The following TSNARE1 variants were observed in gnomAD, a reference collection of about 807,000 sequenced individuals.
TSNARE1 encodes the protein t-SNARE domain-containing protein 1.
A neutral mutation model predicts 62.0 loss-of-function variants in TSNARE1; 49 were observed. The ratio of observed to expected loss-of-function variants is 0.79; its 90% CI spans 0.63 to 1.00. The LOEUF (loss-of-function observed/expected upper bound fraction) is 1.00, where lower values mean the gene tolerates loss of function less well. Ranked by LOEUF, TSNARE1 falls within the 50% of genes least tolerant of loss-of-function variation. The probability of loss-of-function intolerance (pLI) is 0.00; values close to 1 mark genes in which losing one functional copy is unlikely to be tolerated. For missense variants in TSNARE1, 755 were observed against 700.1 expected, an observed-to-expected ratio of 1.08 and a Z score of -0.88; for synonymous variants, 328 against 294.4, an observed-to-expected ratio of 1.11 and a Z score of -1.17.
chr8:142,310,401 G>T (rs141367187), intron 9 of TSNARE1, among the ~76,000 whole-genome samples: 1 of 151,250 alleles, frequency 6.6e-6, no homozygotes, highest in African/African-American at 2.5e-5. Context: ...CATCATCACC[G>T]TTCCACCGTC....
intron 12 of TSNARE1, among the ~76,000 whole-genome samples, chr8:142,269,191 C>G (rs893874773): frequency 6.6e-6 from 1 of 152,168 alleles, no homozygotes; most frequent in Non-Finnish European, 1.5e-5. Flanking sequence ...TAGTGTGTAA[C>G]TAGGATCAGG....
intron 2 of TSNARE1, among the ~76,000 whole-genome samples, chr8:142,353,143 C>A (rs1375627682): frequency 6.6e-6 from 1 of 152,064 alleles, no homozygotes; most frequent in Non-Finnish European, 1.5e-5. Flanking sequence ...CCACTAAGCA[C>A]CCCCTCCCCG....
In TSNARE1 at chr8:142,243,338, C is replaced by T. The variant is rs116343791; in HGVS notation, c.1447-13759G>A. 2.4e-3 allele frequency among the ~76,000 whole-genome samples: 370 copies of T among 152,238 alleles called. 2 individuals carry two copies. The highest frequency in any genetic ancestry group is 8.5e-3 in the African/African-American group (352 of 41,542). On this transcript the variant is annotated intron_variant, in intron 12 of 13. Transcript: ENST00000524325. ...GCTGCCCTATTCACAATAGCCAGGA[C>T]GTGGAATCGGCCTAAGTGTCCCCCC...
chr8:142,238,770 C>T (rs1167172713), intron 12 of TSNARE1, among the ~76,000 whole-genome samples: 2 of 149,816 alleles, frequency 1.3e-5, no homozygotes, highest in South Asian at 2.1e-4. Context: ...CCTGCACGCC[C>T]GCCCCTGCAC....
chr8:142,219,333 G>A, intron 13 of TSNARE1, among the ~76,000 whole-genome samples: 1 of 152,328 alleles, frequency 6.6e-6, no homozygotes, highest in Non-Finnish European at 1.5e-5. Flanking sequence ...GGAGGGAGGG[G>A]AGGAGGAAGG....
intron 7 of TSNARE1, among the ~76,000 whole-genome samples, chr8:142,316,862 A>G (rs1828596475): frequency 6.6e-6 from 1 of 151,882 alleles, no homozygotes; most frequent in Non-Finnish European, 1.5e-5. Context: ...TGGCCACGTC[A>G]CATGTATTTT....
chr8:142,226,635 C>G lies in TSNARE1; in HGVS notation c.*11+2838G>C, dbSNP rs962575518. On this transcript the variant is annotated intron_variant, in intron 13 of 13. Coordinates refer to ENST00000524325, the MANE Select transcript of TSNARE1 (RefSeq NM_145003.5). ...CTCCTCTGGCTAAAGAGCACTGGCT[C>G]TGGAGTCCTGGGGGGCTGGAGGAAT... 3.3e-5 allele frequency among the ~76,000 whole-genome samples: 5 copies of G among 152,278 alleles called. No individual in the cohort carries two copies. In the East Asian group the frequency reaches 9.7e-4, roughly 29 times the overall value.
intron 13 of TSNARE1, among the ~76,000 whole-genome samples, chr8:142,217,280 TAAAA>T (rs1477538962): frequency 7.2e-5 from 5 of 69,390 alleles, no homozygotes; most frequent in African/African-American, 2.4e-4. Flanking sequence ...AATAATAAAA[TAAAA>T]AGAAGAAAGA....
intron 12 of TSNARE1, among the ~76,000 whole-genome samples, chr8:142,260,165 C>T (rs1818785372): frequency 6.6e-6 from 1 of 152,116 alleles, no homozygotes; most frequent in South Asian, 2.1e-4. Flanking sequence ...GAGCCTGCCA[C>T]CTGGAAGCCA....
chr8:142,302,548 C>T lies in TSNARE1; in HGVS notation c.1132-1904G>A, dbSNP rs529268205. Among the ~76,000 whole-genome samples, 3 of 152,280 alleles carry T rather than the reference C, an allele frequency of 2.0e-5. No individual in the cohort carries two copies. In the South Asian group the frequency reaches 6.2e-4, roughly 32 times the overall value. On this transcript the variant is annotated intron_variant, in intron 9 of 13. Transcript: ENST00000524325. Reference sequence around the variant, plus strand: ...AGGGACTCAGCCACAGGCCCCCTCCCTTGCTGTCCCCACCCCCGTCTCCCC... The same window carrying T: ...AGGGACTCAGCCACAGGCCCCCTCCTTTGCTGTCCCCACCCCCGTCTCCCC...
At chr8:142,233,924 G>A (rs530764688) in intron 12 of TSNARE1, among the ~76,000 whole-genome samples, 45 of 152,226 alleles carry the variant, frequency 3.0e-4, no homozygotes, top group East Asian at 9.7e-4. Context: ...GCACAGAATC[G>A]ACCACTGCAC....
At chr8:142,401,624 T>A (rs1215944141) in intron 1 of TSNARE1, among the ~76,000 whole-genome samples, 1 of 152,094 alleles carries the variant, frequency 6.6e-6, no homozygotes, top group African/African-American at 2.4e-5. Flanking sequence ...TCAGGGGAAG[T>A]GTCCAGGGAA....
At position 142,344,058 on chromosome 8, in the gene TSNARE1, G is replaced by A. The variant is rs750923886; in HGVS notation, c.653C>T (p.Ala218Val). Residue 218 changes from alanine (A) to valine (V), a missense_variant, in exon 4 of 14, where the codon GCC becomes GTC. Physicochemically the swap from Ala to Val is moderately conservative, Grantham distance 64. Coordinates refer to ENST00000524325, the MANE Select transcript of TSNARE1 (RefSeq NM_145003.5). The stretch of plus-strand genomic sequence containing the variant: ...CTGCTCCACGGGCGTGAGAGCCAGG[G>A]CCTGGGGCTTGCCGGAACCAGGGCT... ...GPSPGSGKPQ[A>V]LALTPVEQVV... 1.2e-6 allele frequency: 2 copies of A among 1,601,124 alleles called. No individual in the cohort carries two copies. Among genetic ancestry groups the A allele is most frequent in the East Asian group, 4.5e-5 (2 of 44,568 alleles).
Position 142,274,483 on chromosome 8 carries a change from G to T in TSNARE1, c.1446+298C>A, listed in dbSNP as rs946656135. The T allele has an allele frequency of 4.1e-6, 4 of 985,484 alleles. No homozygotes were observed. The African/African-American group carries it at 5.2e-5, about 13-fold the overall frequency. The allele number at this position is 985,484 out of a possible 1,614,324, so 61.0% of individuals were successfully genotyped here. ...CTGGCACAGGAGGTGGAGCGGGAAGGCCCCAAGGGCCCTCCCCTCGGCTGC... is the reference window on the plus strand; with the variant it reads ...CTGGCACAGGAGGTGGAGCGGGAAGTCCCCAAGGGCCCTCCCCTCGGCTGC... On this transcript the variant is annotated intron_variant, in intron 12 of 13. Coordinates refer to ENST00000524325, the MANE Select transcript of TSNARE1 (RefSeq NM_145003.5).
intron 12 of TSNARE1, among the ~76,000 whole-genome samples, chr8:142,268,468 T>C (rs1326448064): frequency 6.6e-6 from 1 of 152,196 alleles, no homozygotes; most frequent in Non-Finnish European, 1.5e-5. Context: ...CAAATCGCCT[T>C]GGAGGCCTCT....
chr8:142,279,874 G>A lies in TSNARE1; in HGVS notation c.1363+4539C>T, dbSNP rs766444545. 84 of 1,032,264 alleles carry A rather than the reference G, an allele frequency of 8.1e-5. 1 individual carries two copies. Among genetic ancestry groups the A allele is most frequent in the Middle Eastern group, 4.9e-4 (1 of 2,056 alleles). The allele number at this position is 1,032,264 out of a possible 1,614,324, so 63.9% of individuals were successfully genotyped here. A position where few individuals can be genotyped will look rare whatever the true frequency, so the allele number is the denominator to read the frequency against. On this transcript the variant is annotated intron_variant, in intron 11 of 13. Coordinates refer to ENST00000524325, the MANE Select transcript of TSNARE1 (RefSeq NM_145003.5). ...GGCCCACTTACTTGGCAGGGGCTCC[G>A]TGGTCTGGCCCTCGCCTTGGGGACC...
chr8:142,374,142 A>G (rs1836125882), intron 1 of TSNARE1, among the ~76,000 whole-genome samples: 3 of 152,040 alleles, frequency 2.0e-5, no homozygotes, highest in African/African-American at 7.3e-5. Context: ...CGTCTCTACT[A>G]AAAATACAAA....
intron 7 of TSNARE1, among the ~76,000 whole-genome samples, chr8:142,317,792 T>C (rs1828814954): frequency 6.6e-6 from 1 of 152,114 alleles, no homozygotes; most frequent in African/African-American, 2.4e-5. Context: ...ACCCCACCTC[T>C]ACTAAAAACA....
intron 1 of TSNARE1, among the ~76,000 whole-genome samples, chr8:142,363,106 C>T (rs1835282627): frequency 6.6e-6 from 1 of 152,292 alleles, no homozygotes; most frequent in Admixed American, 6.5e-5. Context: ...GGAAGAGGAT[C>T]TTCTGTCATC....
Sources: allele counts gnomAD v4.1 joint callset (sites outside exome capture counted in the v4.1 genomes callset), GRCh38; gene constraint gnomAD v4.1.1; transcripts MANE v1.5; gene names NCBI Gene and HGNC (gene_info 2026-07-23, HGNC 2026-07-21).